The following FAM83G variants were observed in gnomAD, a reference collection of about 807,000 sequenced individuals.
FAM83G encodes the protein scaffolding CK1 anchoring protein G.
In FAM83G, 38 loss-of-function variants were observed where a neutral mutation model predicts 61.5. The ratio of observed to expected loss-of-function variants is 0.62; its 90% confidence interval spans 0.48 to 0.81. The LOEUF is 0.81. Ranked by LOEUF, FAM83G falls within the 30% of genes least tolerant of loss-of-function variation. FAM83G has a pLI of 0.00. For missense variants in FAM83G, 989 were observed against 1,133.6 expected, an observed-to-expected ratio of 0.87 and a Z score of 1.83; for synonymous variants, 470 against 476.1, an observed-to-expected ratio of 0.99 and a Z score of 0.17.
intron 2 of FAM83G, among the ~76,000 whole-genome samples, chr17:18,991,760 C>T (rs1238002879): frequency 6.6e-6 from 1 of 152,204 alleles, no homozygotes; most frequent in Non-Finnish European, 1.5e-5. Context: ...TCTGCGCAGG[C>T]CACACAGCCC....
In FAM83G at chr17:18,970,801, T is replaced by C. The variant is rs906359120; in HGVS notation, c.*558A>G. The C allele has an allele frequency of 1.5e-5, 9 of 582,324 alleles. No individual in the cohort carries two copies. The African/African-American group carries it at 1.7e-4, about 11-fold the overall frequency. The allele number at this position is 582,324 out of a possible 1,614,324, so 36.1% of individuals were successfully genotyped here. ...AAAATGCTTACTTAATAGTATTATT[T>C]TAAATACGAATAAAATAGTCATTCA... On this transcript the variant is annotated 3_prime_UTR_variant, in exon 6 of 6. Coordinates refer to ENST00000388995, the MANE Select transcript of FAM83G (RefSeq NM_001039999.3).
chr17:18,981,391 T>C (rs1301059392), intron 3 of FAM83G, among the ~76,000 whole-genome samples: 1 of 152,078 alleles, frequency 6.6e-6, no homozygotes, highest in Non-Finnish European at 1.5e-5. Context: ...TGCACCGGCT[T>C]AAGAGCCTGA....
At chr17:18,982,968 C>G (rs77283946) in intron 3 of FAM83G, among the ~76,000 whole-genome samples, 1 of 152,188 alleles carries the variant, frequency 6.6e-6, no homozygotes, top group Admixed American at 6.5e-5. Flanking sequence ...ACAGGTGGGG[C>G]CCTCCCAGGG....
intron 2 of FAM83G, among the ~76,000 whole-genome samples, chr17:18,999,495 C>T (rs2043670004): frequency 6.6e-6 from 1 of 152,156 alleles, no homozygotes; most frequent in African/African-American, 2.4e-5. Flanking sequence ...TTTGCCATCT[C>T]CGAGCCCCAC....
rs749223011 is a variant in FAM83G at position 18,971,786 on chromosome 17, A to G, written c.2083-38T>C. On this transcript the variant is annotated intron_variant, in intron 5 of 5. Transcript: ENST00000388995. The surrounding 1 kb of genome is among the most constrained non-coding windows in gnomAD (Gnocchi z 5.5). ...GAGCAGAGAGTGAGGCTGAGCAAGA[A>G]GGGCCAACCCCGCCCCAGCACAGGA... The G allele has an allele frequency of 2.6e-6, 4 of 1,524,974 alleles. No homozygotes were observed. Among genetic ancestry groups the G allele is most frequent in the Admixed American group, 2.1e-5 (1 of 47,806 alleles). 94.5% of individuals were successfully genotyped at this position (1,524,974 alleles called of 1,614,324 possible). A position where few individuals can be genotyped will look rare whatever the true frequency, so the allele number is the denominator to read the frequency against.
chr17:18,996,770 T>C lies in FAM83G; in HGVS notation c.522+6750A>G, dbSNP rs986979457. On this transcript the variant is annotated intron_variant, in intron 2 of 5. Transcript: ENST00000388995. This position sits in a 1 kb window ranked among gnomAD's most constrained non-coding sequence, Gnocchi z 4.4. ...GTCAACTAGTGGCAGAGGTCTCCTG[T>C]TCCTAGGCTTTTCTCCTAATGGGGG... Among the ~76,000 whole-genome samples, 1 of 152,198 alleles carries C rather than the reference T, an allele frequency of 6.6e-6. No homozygotes were observed. Among genetic ancestry groups the C allele is most frequent in the African/African-American group, 2.4e-5 (1 of 41,448 alleles).
rs959025850 is a variant in FAM83G at position 18,970,235 on chromosome 17, A to G, written c.*1124T>C. On this transcript the variant is annotated 3_prime_UTR_variant, in exon 6 of 6. Coordinates refer to ENST00000388995, the MANE Select transcript of FAM83G (RefSeq NM_001039999.3). ...GGCTAGGGAGTAGGGCCTGGGGTGG[A>G]AACGGGTTTTCCTACATCCAGGCTT... 6.6e-6 allele frequency: 1 copy of G among 152,262 alleles called. No homozygotes were observed. Among genetic ancestry groups the G allele is most frequent in the East Asian group, 1.9e-4 (1 of 5,196 alleles). The allele number at this position is 152,262 out of a possible 1,614,324, so 9.4% of individuals were successfully genotyped here.
intron 2 of FAM83G, among the ~76,000 whole-genome samples, chr17:18,997,841 G>A (rs562140090): frequency 2.0e-5 from 3 of 152,294 alleles, no homozygotes; most frequent in South Asian, 2.1e-4. Context: ...GGCATCTACC[G>A]ATGCCAGCTC....
chr17:18,996,297 G>A lies in FAM83G; in HGVS notation c.522+7223C>T, dbSNP rs8070612. On this transcript the variant is annotated intron_variant, in intron 2 of 5. Coordinates refer to ENST00000388995, the MANE Select transcript of FAM83G (RefSeq NM_001039999.3). The surrounding 1 kb of genome is among the most constrained non-coding windows in gnomAD (Gnocchi z 4.4). ...CTGCAACCCCCTCCTCCAGCAGCAC[G>A]GTTGGGACAGACGTGGCTGCAGCAC... 0.058 allele frequency among the ~76,000 whole-genome samples: 8,881 copies of A among 152,188 alleles called. 874 individuals are homozygous for A. Among genetic ancestry groups the A allele is most frequent in the African/African-American group, 0.2 (8,399 of 41,486 alleles).
intron 2 of FAM83G, among the ~76,000 whole-genome samples, chr17:18,998,369 T>A (rs2043621827): frequency 6.6e-6 from 1 of 152,172 alleles, no homozygotes; most frequent in African/African-American, 2.4e-5. Context: ...GGACCAGCAC[T>A]CTCTGCTGGC....
At chr17:18,982,289 C>G (rs961256104) in intron 3 of FAM83G, among the ~76,000 whole-genome samples, 5 of 152,144 alleles carry the variant, frequency 3.3e-5, no homozygotes, top group Non-Finnish European at 5.9e-5. Context: ...TGCAGCAGGG[C>G]CCCCCACCTC....
At chr17:18,999,949 G>T (rs1347031323) in intron 2 of FAM83G, among the ~76,000 whole-genome samples, 1 of 152,222 alleles carries the variant, frequency 6.6e-6, no homozygotes, top group Non-Finnish European at 1.5e-5. Context: ...TCCTGTTGAG[G>T]GGGGCTCAGC....
chr17:18,970,005 C>A lies in FAM83G; in HGVS notation c.*1354G>T, dbSNP rs950488291. 3 of 152,348 alleles carry A rather than the reference C, an allele frequency of 2.0e-5. No individual in the cohort carries two copies. The highest frequency in any genetic ancestry group is 7.2e-5 in the African/African-American group (3 of 41,470). 9.4% of individuals were successfully genotyped at this position (152,348 alleles called of 1,614,324 possible). ...AGGATCCCTCAGAGAGTGAACAAAT[C>A]TCTAAAGACTCTTCCAGACTCAGAC... On this transcript the variant is annotated 3_prime_UTR_variant, in exon 6 of 6. Transcript: ENST00000388995.
In FAM83G at chr17:18,969,466, G is replaced by A. The variant is rs188655299; in HGVS notation, c.*1893C>T. Reference sequence around the variant, plus strand: ...GCCATGGCGGGGCTGTCCCCACAGCGAGCCCTTTGGAGTCTGGCACTGCCC... The same window carrying A: ...GCCATGGCGGGGCTGTCCCCACAGCAAGCCCTTTGGAGTCTGGCACTGCCC... On this transcript the variant is annotated 3_prime_UTR_variant, in exon 6 of 6. Coordinates refer to ENST00000388995, the MANE Select transcript of FAM83G (RefSeq NM_001039999.3). 1.1e-4 allele frequency: 169 copies of A among 1,560,206 alleles called. 1 individual carries two copies. The highest frequency in any genetic ancestry group is 1.4e-4 in the Non-Finnish European group (161 of 1,133,686).
chr17:19,004,206 A>G lies in FAM83G; in HGVS notation c.-128-37T>C, dbSNP rs946697447. Reference sequence around the variant, plus strand: ...ACCTGATGAGCCCGGCTCGGCGGGGAGGGCGGGCCGCGCGGGGAGGGGCGG... The same window carrying G: ...ACCTGATGAGCCCGGCTCGGCGGGGGGGGCGGGCCGCGCGGGGAGGGGCGG... On this transcript the variant is annotated intron_variant, in intron 1 of 5. Coordinates refer to ENST00000388995, the MANE Select transcript of FAM83G (RefSeq NM_001039999.3). This position sits in a 1 kb window ranked among gnomAD's most constrained non-coding sequence, Gnocchi z 5.4. 9.7e-5 allele frequency: 17 copies of G among 174,906 alleles called. No homozygotes were observed. The highest frequency in any genetic ancestry group is 3.1e-4 in the South Asian group (4 of 12,800). 10.8% of individuals were successfully genotyped at this position (174,906 alleles called of 1,614,324 possible).
At chr17:18,979,471 G>C (rs951185500) in intron 4 of FAM83G, 78 bp downstream of exon 4, 3 of 1,552,430 alleles carry the variant, frequency 1.9e-6, no homozygotes, top group Admixed American at 1.8e-5. Context: ...GGAATAACCA[G>C]GGTTAGGATT....
rs745873704 is a variant in FAM83G, at chr17:18,971,099, C to A, written c.*260G>T. ...CAGGACCATTGCCAACACCACCTGCCACCTGCCACGTACAGACGCCATGCA... is the reference window on the plus strand; with the variant it reads ...CAGGACCATTGCCAACACCACCTGCAACCTGCCACGTACAGACGCCATGCA... On this transcript the variant is annotated 3_prime_UTR_variant, in exon 6 of 6. Transcript: ENST00000388995. This position sits in a 1 kb window ranked among gnomAD's most constrained non-coding sequence, Gnocchi z 5.5. The A allele has an allele frequency of 6.2e-7, 1 of 1,614,140 alleles. No individual in the cohort carries two copies. The highest frequency in any genetic ancestry group is 8.5e-7 in the Non-Finnish European group (1 of 1,180,034).
At chr17:18,983,419 T>A (rs2043187969) in intron 3 of FAM83G, among the ~76,000 whole-genome samples, 1 of 152,220 alleles carries the variant, frequency 6.6e-6, no homozygotes, top group South Asian at 2.1e-4. Context: ...GGTTTTGGTT[T>A]TATAATGGAA....
intron 5 of FAM83G, among the ~76,000 whole-genome samples, chr17:18,973,253 C>G (rs148805314): frequency 6.6e-6 from 1 of 152,250 alleles, no homozygotes; most frequent in Non-Finnish European, 1.5e-5. Flanking sequence ...CTGGGTGGAA[C>G]ATCAGTCAGG....
Sources: allele counts gnomAD v4.1 joint callset (sites outside exome capture counted in the v4.1 genomes callset), GRCh38; gene constraint gnomAD v4.1.1; non-coding constraint Gnocchi (gnomAD v3.1); transcripts MANE v1.5; gene names NCBI Gene and HGNC (gene_info 2026-07-23, HGNC 2026-07-21).